Variants in CD80 observed in about 807,000 individuals in gnomAD.
CD80 encodes the protein T-lymphocyte activation antigen CD80.
In CD80, 13 loss-of-function variants were observed where a neutral mutation model predicts 27.1. That is an observed-to-expected ratio of 0.48 (90% confidence interval 0.31 to 0.76). CD80 has a LOEUF of 0.76. Among genes scored for constraint, CD80 ranks in the 30% least tolerant of loss-of-function variants. The pLI is 0.04. For missense variants in CD80, 277 were observed against 347.9 expected, an observed-to-expected ratio of 0.80 and a Z score of 1.62; for synonymous variants, 125 against 125.5, an observed-to-expected ratio of 1.00 and a Z score of 0.03.
chr3:119,541,784 C>T (rs915509546), intron 3 of CD80, among the ~76,000 whole-genome samples: 1 of 152,190 alleles, frequency 6.6e-6, no homozygotes, highest in East Asian at 1.9e-4. Context: ...ACCTTTTTGT[C>T]TTCCCTTTAC....
rs377503363 is a variant in CD80, at chr3:119,527,746, C to G, written c.*25G>C. On this transcript the variant is annotated 3_prime_UTR_variant, in exon 6 of 7. Transcript: ENST00000264246. ...GACGGAGGCTACCTTCAGATCTTTT[C>G]AGCCCCTTGCTTCTGCGGACACTGT... The G allele has an allele frequency of 1.2e-4, 185 of 1,598,904 alleles. No individual in the cohort carries two copies. The highest frequency in any genetic ancestry group is 1.7e-4 in the Middle Eastern group (1 of 6,044).
In CD80 at chr3:119,525,759, CAAAG is replaced by C. The variant is rs2082061557; in HGVS notation, c.*39-14_*39-11del. On this transcript the variant is annotated splice_polypyrimidine_tract_variant and intron_variant, in intron 6 of 6. Coordinates refer to ENST00000264246, the MANE Select transcript of CD80 (RefSeq NM_005191.4). ...CAAATGGAGGTGGGACCTGAGAAAACAAAGAAATGATTACATCAAACCCTATATT... is the reference window on the plus strand; with the variant it reads ...CAAATGGAGGTGGGACCTGAGAAAACAAATGATTACATCAAACCCTATATT... 6.6e-6 allele frequency: 1 copy of C among 151,652 alleles called. No homozygotes were observed. Among genetic ancestry groups the C allele is most frequent in the East Asian group, 1.9e-4 (1 of 5,178 alleles). 9.4% of individuals were successfully genotyped at this position (151,652 alleles called of 1,614,324 possible).
At chr3:119,552,574 C>G (rs936007363) in intron 2 of CD80, among the ~76,000 whole-genome samples, 1 of 148,992 alleles carries the variant, frequency 6.7e-6, no homozygotes, top group African/African-American at 2.5e-5. Context: ...GCCAGGCACC[C>G]GTAATCCCAG....
rs565104397 is a variant in CD80, at chr3:119,527,305, C to T, written c.*38+428G>A. ...CTTTGTGAAATTTGGCTCCATGATT[C>T]GTCAGTAGGATGAGTCTGTTAGTAA... On this transcript the variant is annotated intron_variant, in intron 6 of 6. Transcript: ENST00000264246. Among the ~76,000 whole-genome samples the T allele has an allele frequency of 3.7e-3, 559 of 152,124 alleles. 4 individuals carry two copies. Among genetic ancestry groups the T allele is most frequent in the Middle Eastern group, 0.02 (6 of 294 alleles).
At chr3:119,550,789 C>CATG (rs2082227066) in intron 2 of CD80, among the ~76,000 whole-genome samples, 1 of 152,148 alleles carries the variant, frequency 6.6e-6, no homozygotes, top group African/African-American at 2.4e-5. Flanking sequence ...CATAAAAGTC[C>CATG]TCCACAGTAC....
At chr3:119,545,221 G>A (rs1456702591) in intron 2 of CD80, among the ~76,000 whole-genome samples, 2 of 151,992 alleles carry the variant, frequency 1.3e-5, no homozygotes, top group Non-Finnish European at 2.9e-5. Context: ...GGCGGGTGTA[G>A]TAATCCCAGC....
chr3:119,533,987 C>A (rs75012413), intron 4 of CD80, among the ~76,000 whole-genome samples: 3,017 of 152,180 alleles, frequency 0.02, 97 homozygotes, highest in African/African-American at 0.067. Flanking sequence ...GACATTTATA[C>A]CCTAAAGCTC....
At chr3:119,538,212 T>C (rs950689199) in intron 3 of CD80, among the ~76,000 whole-genome samples, 1 of 152,336 alleles carries the variant, frequency 6.6e-6, no homozygotes, top group Admixed American at 6.5e-5. Context: ...TTAGAGAAAT[T>C]ATAACTAACC....
rs971719482 is a variant in CD80 at position 119,559,544 on chromosome 3, A to C, written c.-305T>G. On this transcript the variant is annotated 5_prime_UTR_variant, in exon 1 of 7. Transcript: ENST00000264246. ...ACAGTCTATAAAGCAATGACAAATCACTTTTTCTTTGGGTAATCTTCAGAG... is the reference window on the plus strand; with the variant it reads ...ACAGTCTATAAAGCAATGACAAATCCCTTTTTCTTTGGGTAATCTTCAGAG... The C allele has an allele frequency of 1.3e-5, 2 of 152,210 alleles. No homozygotes were observed. The highest frequency in any genetic ancestry group is 2.9e-5 in the Non-Finnish European group (2 of 68,044). The allele number at this position is 152,210 out of a possible 1,614,324, so 9.4% of individuals were successfully genotyped here.
intron 2 of CD80, among the ~76,000 whole-genome samples, chr3:119,551,990 A>C (rs2082234848): frequency 6.6e-6 from 1 of 152,228 alleles, no homozygotes; most frequent in South Asian, 2.1e-4. Context: ...GATGGACGGC[A>C]ACGCTGCTCG....
Position 119,544,790 on chromosome 3 carries a change from CCAGCTCTTCAA to C in CD80, c.167_177del (p.Val56GlyfsTer35). The stretch of plus-strand genomic sequence containing the variant: ...TTTTGCCAGTAGATGCGAGTTTGTG[CCAGCTCTTCAA>C]CAGAAACATTGTGACCACAGGACAG... On this transcript the variant is annotated frameshift_variant, in exon 3 of 7. Coordinates refer to ENST00000264246, the MANE Select transcript of CD80 (RefSeq NM_005191.4). LOFTEE classifies it high-confidence loss of function. 1 of 1,614,144 alleles carries C rather than the reference CCAGCTCTTCAA, an allele frequency of 6.2e-7. No homozygotes were observed. The highest frequency in any genetic ancestry group is 8.5e-7 in the Non-Finnish European group (1 of 1,180,030).
At chr3:119,526,131 G>T (rs747101148) in intron 6 of CD80, among the ~76,000 whole-genome samples, 1 of 152,110 alleles carries the variant, frequency 6.6e-6, no homozygotes, top group East Asian at 1.9e-4. Context: ...GCTTGATCAA[G>T]CCACTCTTCT....
At chr3:119,550,676 C>T (rs533870793) in intron 2 of CD80, among the ~76,000 whole-genome samples, 2 of 152,178 alleles carry the variant, frequency 1.3e-5, no homozygotes, top group African/African-American at 2.4e-5. Flanking sequence ...ATATTACTGT[C>T]TCAAACCTGG....
chr3:119,533,311 T>C (rs139571033), intron 4 of CD80, among the ~76,000 whole-genome samples: 15 of 152,208 alleles, frequency 9.9e-5, no homozygotes, highest in Admixed American at 3.3e-4. Context: ...TATGACTCTC[T>C]CAGATGTATC....
At chr3:119,551,052 A>G (rs1044328227) in intron 2 of CD80, among the ~76,000 whole-genome samples, 7 of 152,228 alleles carry the variant, frequency 4.6e-5, no homozygotes, top group African/African-American at 1.7e-4. Context: ...TATGTGATAC[A>G]TAATTACGTA....
chr3:119,552,206 C>T (rs1306646221), intron 2 of CD80, among the ~76,000 whole-genome samples: 1 of 152,146 alleles, frequency 6.6e-6, no homozygotes, highest in Non-Finnish European at 1.5e-5. Context: ...ATGGACCTCT[C>T]GGCCGGGCGT....
At chr3:119,558,999 T>C (rs6438537) in intron 1 of CD80, among the ~76,000 whole-genome samples, 26,459 of 151,994 alleles carry the variant, frequency 0.17, 2,713 homozygotes, top group South Asian at 0.27. Flanking sequence ...TTAGCCATCA[T>C]CCATTTTAGA....
intron 3 of CD80, among the ~76,000 whole-genome samples, chr3:119,538,640 A>G (rs979156637): frequency 6.6e-6 from 1 of 151,852 alleles, no homozygotes. Context: ...TTGAACATTG[A>G]CTCTTAAGTC....
chr3:119,529,940 A>G lies in CD80; in HGVS notation c.701-3T>C, dbSNP rs2082100812. Reference sequence around the variant, plus strand: ...ATCAGGAAAATGCTCTTGCTTGGCTATGGAGGGAAAAGAATAATGTCAGCT... The same window carrying G: ...ATCAGGAAAATGCTCTTGCTTGGCTGTGGAGGGAAAAGAATAATGTCAGCT... On this transcript the variant is annotated splice_polypyrimidine_tract_variant and splice_region_variant and intron_variant, in intron 4 of 6. Transcript: ENST00000264246. 3 of 1,600,388 alleles carry G rather than the reference A, an allele frequency of 1.9e-6. No homozygotes were observed. The highest frequency in any genetic ancestry group is 1.1e-5 in the South Asian group (1 of 90,784).
Sources: allele counts gnomAD v4.1 joint callset (sites outside exome capture counted in the v4.1 genomes callset), GRCh38; gene constraint gnomAD v4.1.1; transcripts MANE v1.5; gene names NCBI Gene and HGNC (gene_info 2026-07-23, HGNC 2026-07-21).